The following LSAMP variants were observed in gnomAD, a reference collection of about 807,000 sequenced individuals.
LSAMP encodes the protein limbic system associated membrane protein.
LSAMP carries 7 observed loss-of-function variants against 38.6 expected under a neutral mutation model. The observed-to-expected ratio is 0.18, with a 90% confidence interval of 0.10 to 0.34. LSAMP has a LOEUF of 0.34. Among genes scored for constraint, LSAMP ranks in the 10% least tolerant of loss-of-function variants. The pLI, the probability that LSAMP is intolerant of heterozygous loss-of-function variation, is 1.00. For synonymous variants in LSAMP, 154 were observed against 166.8 expected, an observed-to-expected ratio of 0.92 and a Z score of 0.59; for missense variants, 313 against 420.0, an observed-to-expected ratio of 0.75 and a Z score of 2.23.
chr3:115,980,277 C>T (rs1939318489), intron 3 of LSAMP, among the ~76,000 whole-genome samples: 1 of 152,064 alleles, frequency 6.6e-6, no homozygotes, highest in Non-Finnish European at 1.5e-5. Flanking sequence ...CATAAAAATA[C>T]TAAAGAAGAT....
chr3:115,827,536 T>C (rs1934462559), intron 6 of LSAMP, among the ~76,000 whole-genome samples: 4 of 152,088 alleles, frequency 2.6e-5, no homozygotes. Flanking sequence ...ACTATGTCAG[T>C]GGTAATGTCT....
At chr3:116,222,035 A>T (rs2107617719) in intron 1 of LSAMP, among the ~76,000 whole-genome samples, 1 of 152,264 alleles carries the variant, frequency 6.6e-6, no homozygotes, top group African/African-American at 2.4e-5. Context: ...ACTCACCTCC[A>T]TTCTCCATCA....
intron 1 of LSAMP, among the ~76,000 whole-genome samples, chr3:116,332,039 G>GT (rs1282370765): frequency 6.6e-6 from 1 of 151,924 alleles, no homozygotes; most frequent in East Asian, 1.9e-4. Flanking sequence ...TGGTGTCTCG[G>GT]TAAGTTGTCC....
chr3:115,954,210 C>A (rs568428512), intron 3 of LSAMP, among the ~76,000 whole-genome samples: 1 of 152,158 alleles, frequency 6.6e-6, no homozygotes, highest in East Asian at 1.9e-4. Context: ...GCAACTTTCC[C>A]TCATTCATCT....
chr3:115,841,243 G>C (rs1251984190), intron 6 of LSAMP, among the ~76,000 whole-genome samples: 1 of 152,046 alleles, frequency 6.6e-6, no homozygotes, highest in Non-Finnish European at 1.5e-5. Flanking sequence ...TTCCATCTCT[G>C]TTCCAAAAAT....
chr3:116,197,163 A>ACACACTCT (rs1268040540), intron 1 of LSAMP, among the ~76,000 whole-genome samples: 15 of 139,088 alleles, frequency 1.1e-4, no homozygotes, highest in African/African-American at 2.8e-4. Context: ...ACACACACAC[A>ACACACTCT]CTCTCTCTCT....
chr3:116,357,693 A>G (rs1195027351), intron 1 of LSAMP, among the ~76,000 whole-genome samples: 2 of 152,178 alleles, frequency 1.3e-5, no homozygotes, highest in African/African-American at 4.8e-5. Flanking sequence ...CATTTTATAT[A>G]TATGCTGCAT....
chr3:116,150,917 A>T (rs1427052863), intron 1 of LSAMP, among the ~76,000 whole-genome samples: 1 of 151,956 alleles, frequency 6.6e-6, no homozygotes, highest in Non-Finnish European at 1.5e-5. Context: ...CACTCTTAGC[A>T]TATGCAAAGT....
At chr3:116,398,570 C>T (rs779848714) in intron 1 of LSAMP, among the ~76,000 whole-genome samples, 5 of 152,146 alleles carry the variant, frequency 3.3e-5, no homozygotes, top group Non-Finnish European at 7.4e-5. Flanking sequence ...TATGCAGCAC[C>T]TAGACTACAT....
intron 1 of LSAMP, among the ~76,000 whole-genome samples, chr3:116,115,563 A>G (rs1419806930): frequency 6.6e-6 from 1 of 151,938 alleles, no homozygotes; most frequent in Non-Finnish European, 1.5e-5. Flanking sequence ...TTTTCTGTTT[A>G]TTTAATTATT....
intron 1 of LSAMP, among the ~76,000 whole-genome samples, chr3:116,110,229 A>G (rs1169877844): frequency 1.3e-5 from 2 of 151,742 alleles, no homozygotes; most frequent in Non-Finnish European, 2.9e-5. Context: ...GAAGGGGTAG[A>G]GACAAGGAGA....
intron 3 of LSAMP, among the ~76,000 whole-genome samples, chr3:115,939,011 T>C (rs964491664): frequency 3.9e-5 from 6 of 152,146 alleles, no homozygotes; most frequent in African/African-American, 1.2e-4. Flanking sequence ...CTTTCAGATA[T>C]TGGGTCTATG....
chr3:115,998,151 G>A (rs1939882358), intron 3 of LSAMP, among the ~76,000 whole-genome samples: 1 of 151,626 alleles, frequency 6.6e-6, no homozygotes, highest in Non-Finnish European at 1.5e-5. Flanking sequence ...ACTCAACTAG[G>A]ACACAGTGAG....
intron 3 of LSAMP, among the ~76,000 whole-genome samples, chr3:115,870,242 T>C (rs1347565429): frequency 1.3e-5 from 2 of 152,144 alleles, no homozygotes; most frequent in Non-Finnish European, 2.9e-5. Context: ...ATGGAAAAGT[T>C]TGTTAACCCA....
intron 1 of LSAMP, among the ~76,000 whole-genome samples, chr3:116,289,415 T>A (rs1022442631): frequency 6.6e-6 from 1 of 151,772 alleles, no homozygotes. Context: ...TTAGAACAAA[T>A]TTTTTTTTCA....
At chr3:116,200,401 A>G (rs535616613) in intron 1 of LSAMP, among the ~76,000 whole-genome samples, 4 of 152,214 alleles carry the variant, frequency 2.6e-5, no homozygotes, top group Admixed American at 2.6e-4. Flanking sequence ...CCCAATTAAG[A>G]GTCTGATACA....
At chr3:116,351,886 A>G (rs1478675560) in intron 1 of LSAMP, among the ~76,000 whole-genome samples, 1 of 152,124 alleles carries the variant, frequency 6.6e-6, no homozygotes, top group East Asian at 1.9e-4. Flanking sequence ...TCAGGGACAA[A>G]TATCAACTAA....
chr3:116,243,154 C>T (rs1172455605), intron 1 of LSAMP, among the ~76,000 whole-genome samples: 2 of 152,178 alleles, frequency 1.3e-5, no homozygotes, highest in Admixed American at 6.5e-5. Context: ...GAGCAATGCA[C>T]GTCTGTCCTG....
At chr3:116,317,985 A>C (rs1357331948) in intron 1 of LSAMP, among the ~76,000 whole-genome samples, 1 of 151,344 alleles carries the variant, frequency 6.6e-6, no homozygotes, top group Non-Finnish European at 1.5e-5. Flanking sequence ...AAAGTAGAAA[A>C]ATTAGCCAGG....
Sources: allele counts gnomAD v4.1 joint callset (sites outside exome capture counted in the v4.1 genomes callset), GRCh38; gene constraint gnomAD v4.1.1; transcripts MANE v1.5; gene names NCBI Gene and HGNC (gene_info 2026-07-23, HGNC 2026-07-21).